Variants in ANO4 observed in about 807,000 individuals in gnomAD.
ANO4 encodes anoctamin-4.
ANO4 carries 69 observed loss-of-function variants against 141.9 expected under a neutral mutation model. That is an observed-to-expected ratio of 0.49 (90% CI 0.40 to 0.59). The LOEUF is 0.59. Ranked by LOEUF, ANO4 falls within the 20% of genes least tolerant of loss-of-function variation. The probability of loss-of-function intolerance (pLI) is 0.00; values close to 1 mark genes in which losing one functional copy is unlikely to be tolerated. For missense variants in ANO4, 894 were observed against 1,162.2 expected, an observed-to-expected ratio of 0.77 and a Z score of 3.36; for synonymous variants, 350 against 394.3, an observed-to-expected ratio of 0.89 and a Z score of 1.33.
At chr12:101,103,296 G>A (rs1398465249) in intron 22 of ANO4, among the ~76,000 whole-genome samples, 1 of 144,382 alleles carries the variant, frequency 6.9e-6, no homozygotes. Context: ...GATGATACTG[G>A]ACATCATTGT....
In ANO4 at chr12:101,048,402, G is replaced by T. The variant is rs748776312; in HGVS notation, c.1312+1G>T. ...TTTGCTGTTTTCATGGCAGTCTGGG[G>T]TAAGTGTTCTATAACCATAAAACTT... is the stretch of plus-strand genomic sequence containing the variant. On this transcript the variant is annotated splice_donor_variant, in intron 14 of 27. Transcript: ENST00000392977. LOFTEE classifies it high-confidence loss of function. 2 of 1,613,302 alleles carry T rather than the reference G, an allele frequency of 1.2e-6. No homozygotes were observed. The highest frequency in any genetic ancestry group is 1.1e-5 in the South Asian group (1 of 91,024).
chr12:100,799,440 G>T (rs1194505489), intron 1 of ANO4, among the ~76,000 whole-genome samples: 1 of 152,086 alleles, frequency 6.6e-6, no homozygotes, highest in African/African-American at 2.4e-5. Flanking sequence ...AAAGTCTCTT[G>T]TGATTATCAA....
At chr12:100,843,956 G>A (rs1311376900) in intron 1 of ANO4, among the ~76,000 whole-genome samples, 2 of 152,100 alleles carry the variant, frequency 1.3e-5, no homozygotes, top group African/African-American at 4.8e-5. Flanking sequence ...TTCATCTAAA[G>A]TCAAGACGAT....
intron 1 of ANO4, among the ~76,000 whole-genome samples, chr12:100,888,523 G>A (rs2039948892): frequency 6.6e-6 from 1 of 152,208 alleles, no homozygotes; most frequent in Non-Finnish European, 1.5e-5. Flanking sequence ...AAATGGCTAG[G>A]GCCCTCACAA....
At chr12:101,001,675 TGGAA>T (rs2045648762) in intron 8 of ANO4, among the ~76,000 whole-genome samples, 1 of 152,084 alleles carries the variant, frequency 6.6e-6, no homozygotes, top group African/African-American at 2.4e-5. Context: ...TTTAGAGAAA[TGGAA>T]CACGGAGGAG....
At chr12:100,835,175 G>T (rs528068645) in intron 1 of ANO4, among the ~76,000 whole-genome samples, 205 of 152,278 alleles carry the variant, frequency 1.3e-3, no homozygotes, top group Non-Finnish European at 2.0e-3. Flanking sequence ...AGGAGGATGG[G>T]CCTGGTTAGA....
chr12:101,096,648 G>C lies in ANO4; in HGVS notation c.1850+1G>C. On this transcript the variant is annotated splice_donor_variant, in intron 19 of 27. Coordinates refer to ENST00000392977, the MANE Select transcript of ANO4 (RefSeq NM_001286615.2). LOFTEE classifies it high-confidence loss of function. The stretch of plus-strand genomic sequence containing the variant: ...TTTACATCGCATTCTTCCTCGGAAG[G>C]TAAGAACCTGACCCCTGCACACCTC... The C allele has an allele frequency of 6.2e-7, 1 of 1,610,292 alleles. No individual in the cohort carries two copies. The highest frequency in any genetic ancestry group is 8.5e-7 in the Non-Finnish European group (1 of 1,176,872).
At chr12:101,023,329 C>T (rs2046607050) in intron 9 of ANO4, among the ~76,000 whole-genome samples, 1 of 152,190 alleles carries the variant, frequency 6.6e-6, no homozygotes, top group Non-Finnish European at 1.5e-5. Flanking sequence ...AAGTTTCTTT[C>T]ATTTGATGAA....
intron 1 of ANO4, among the ~76,000 whole-genome samples, chr12:100,719,367 G>A (rs76789711): frequency 1.4e-3 from 215 of 152,264 alleles, no homozygotes; most frequent in African/African-American, 4.9e-3. Flanking sequence ...AAGTTAAGGA[G>A]AAAAACATTG....
At chr12:100,861,746 T>A (rs1400710377) in intron 1 of ANO4, among the ~76,000 whole-genome samples, 1 of 152,258 alleles carries the variant, frequency 6.6e-6, no homozygotes, top group Admixed American at 6.5e-5. Flanking sequence ...GACTCTTTTG[T>A]AATAATATTT....
At chr12:100,852,830 A>G (rs2037950288) in intron 1 of ANO4, among the ~76,000 whole-genome samples, 1 of 152,242 alleles carries the variant, frequency 6.6e-6, no homozygotes, top group African/African-American at 2.4e-5. Context: ...AATCTGTAAT[A>G]TTCCAAAACG....
intron 1 of ANO4, among the ~76,000 whole-genome samples, chr12:100,841,356 G>A (rs1228115102): frequency 2.6e-5 from 4 of 152,104 alleles, no homozygotes; most frequent in Non-Finnish European, 1.5e-5. Context: ...CATTCAACAA[G>A]TATTCATTGA....
rs955954477 is a variant in ANO4, at chr12:101,117,742, AC to A, written c.2570+945del. Among the ~76,000 whole-genome samples the A allele has an allele frequency of 2.2e-4, 33 of 152,294 alleles. No homozygotes were observed. The South Asian group carries it at 2.3e-3, about 11-fold the overall frequency. On this transcript the variant is annotated intron_variant, in intron 25 of 27. Transcript: ENST00000392977. The stretch of plus-strand genomic sequence containing the variant: ...AGAATTTTGGAGATTCCCTATCATG[AC>A]ATTCTATGTTCTCCCTGTAATCAAA...
intron 5 of ANO4, among the ~76,000 whole-genome samples, chr12:100,962,048 T>G (rs886707969): frequency 6.6e-6 from 1 of 152,176 alleles, no homozygotes; most frequent in African/African-American, 2.4e-5. Context: ...GAACCTCTAA[T>G]GAAATGTGTG....
At chr12:100,758,037 C>G (rs2032690921) in intron 3 of ANO4, among the ~76,000 whole-genome samples, 1 of 152,172 alleles carries the variant, frequency 6.6e-6, no homozygotes, top group East Asian at 1.9e-4. Context: ...TCGTGAGGAT[C>G]ACACCATACC....
chr12:100,762,458 T>C (rs1239645466), intron 3 of ANO4, among the ~76,000 whole-genome samples: 2 of 152,142 alleles, frequency 1.3e-5, no homozygotes, highest in East Asian at 1.9e-4. Context: ...TCTAGTGCTT[T>C]TGACTTTTGA....
Position 100,783,473 on chromosome 12 carries a change from A to G in ANO4, c.358+43368A>G, listed in dbSNP as rs1304947462. Among the ~76,000 whole-genome samples the G allele has an allele frequency of 3.3e-5, 5 of 152,246 alleles. No homozygotes were observed. The East Asian group carries it at 5.8e-4, about 18-fold the overall frequency. ...TCTCTAGTCAATCCATCTCCTTTCC[A>G]ATTTGTTTTCTAAGAAGTTGTCAAG... On this transcript the variant is annotated intron_variant, in intron 3 of 29. Coordinates refer to the ANO4 transcript ENST00000644049.
chr12:101,067,046 T>G (rs1160964303), intron 14 of ANO4: 6 of 479,624 alleles, frequency 1.3e-5, no homozygotes, highest in Non-Finnish European at 2.2e-5. Context: ...GGGCTTATTG[T>G]GAGTGTTTTA....
intron 9 of ANO4, among the ~76,000 whole-genome samples, chr12:101,032,963 A>G (rs147225526): frequency 7.3e-5 from 11 of 150,706 alleles, no homozygotes; most frequent in Non-Finnish European, 1.5e-4. Flanking sequence ...CCATCCCATT[A>G]CTGGGTATAT....
Sources: gnomAD v4.1 joint callset for allele counts (sites outside exome capture counted in the v4.1 genomes callset) on GRCh38, gnomAD v4.1.1 for gene constraint, MANE v1.5 for transcripts, NCBI Gene and HGNC (gene_info 2026-07-23, HGNC 2026-07-21) for gene names.